WWOX: variants seen among roughly 807,000 people sequenced by gnomAD.
WWOX encodes the protein WW domain-containing oxidoreductase.
A neutral mutation model predicts 46.2 loss-of-function variants in WWOX; 69 were observed. The observed-to-expected ratio is 1.49, with a 90% CI of 1.23 to 1.82. The LOEUF is 1.82. Among genes scored for constraint, WWOX ranks in the 40% most tolerant of loss-of-function variants. WWOX has a pLI of 0.00. For missense variants in WWOX, 919 were observed against 542.6 expected (o/e 1.69, Z -6.89); for synonymous variants, 359 against 202.6 (o/e 1.77, Z -6.56).
intron 8 of WWOX, among the ~76,000 whole-genome samples, chr16:78,737,677 A>G (rs552822620): frequency 1.2e-4 from 19 of 152,272 alleles, no homozygotes; most frequent in African/African-American, 4.6e-4. Flanking sequence ...ACAGGGTTAT[A>G]TTAAAAGAGG....
intron 8 of WWOX, among the ~76,000 whole-genome samples, chr16:78,660,781 A>C (rs1181961790): frequency 2.0e-5 from 3 of 152,212 alleles, no homozygotes; most frequent in Non-Finnish European, 2.9e-5. Context: ...CTATGCATTT[A>C]GCATCAGTTG....
In WWOX at chr16:79,076,398, T is replaced by G. The variant is rs377717896; in HGVS notation, c.1057-135210T>G. 8.9e-4 allele frequency among the ~76,000 whole-genome samples: 135 copies of G among 152,354 alleles called. 2 individuals carry two copies. The South Asian group carries it at 0.027, about 30-fold the overall frequency. On this transcript the variant is annotated intron_variant, in intron 8 of 8. Transcript: ENST00000566780. ...AAAGTGTTCATTCTCACCCTTTTCC[T>G]TCATGAGAATTTTCTGAAGCTATTG...
At chr16:79,025,802 TGC>T (rs386792598) in intron 8 of WWOX, among the ~76,000 whole-genome samples, 74,540 of 118,914 alleles carry the variant, frequency 0.63, 25,797 homozygotes, top group East Asian at 0.86. Flanking sequence ...TTTGCTTGCT[TGC>T]TTTTTTTTTT....
chr16:78,187,657 G>T (rs988252175), intron 5 of WWOX, among the ~76,000 whole-genome samples: 1 of 152,114 alleles, frequency 6.6e-6, no homozygotes, highest in African/African-American at 2.4e-5. Flanking sequence ...GTCTTTGAAG[G>T]GTTACAGAAA....
chr16:78,470,170 C>A (rs1186023768), intron 8 of WWOX, among the ~76,000 whole-genome samples: 2 of 152,208 alleles, frequency 1.3e-5, no homozygotes, highest in African/African-American at 2.4e-5. Context: ...CAGCACTGCC[C>A]TGCTGTTGTC....
intron 8 of WWOX, among the ~76,000 whole-genome samples, chr16:78,713,600 G>C (rs962741555): frequency 6.6e-6 from 1 of 152,112 alleles, no homozygotes; most frequent in African/African-American, 2.4e-5. Context: ...AAATTTGGAT[G>C]CACAGAGACA....
At chr16:79,056,508 C>G (rs2048264896) in intron 8 of WWOX, among the ~76,000 whole-genome samples, 1 of 152,192 alleles carries the variant, frequency 6.6e-6, no homozygotes, top group East Asian at 1.9e-4. Flanking sequence ...AACTTGAGTA[C>G]AGGGTTTCTC....
chr16:79,181,206 T>C (rs1410025013), intron 8 of WWOX, among the ~76,000 whole-genome samples: 1 of 152,224 alleles, frequency 6.6e-6, no homozygotes, highest in African/African-American at 2.4e-5. Flanking sequence ...CGTAATATTT[T>C]GTCCATTATT....
intron 5 of WWOX, among the ~76,000 whole-genome samples, chr16:78,243,825 G>A (rs746955574): frequency 6.6e-6 from 1 of 152,210 alleles, no homozygotes; most frequent in Non-Finnish European, 1.5e-5. Flanking sequence ...GAGATCACAG[G>A]CGTGAGCCAC....
intron 8 of WWOX, among the ~76,000 whole-genome samples, chr16:78,644,991 A>G (rs935154149): frequency 4.6e-5 from 7 of 152,296 alleles, no homozygotes; most frequent in African/African-American, 1.4e-4. Flanking sequence ...CTACTCTTCA[A>G]TGAGTTTAAG....
intron 8 of WWOX, among the ~76,000 whole-genome samples, chr16:78,547,516 A>G (rs1029070901): frequency 6.6e-6 from 1 of 152,150 alleles, no homozygotes; most frequent in Non-Finnish European, 1.5e-5. Context: ...TCTACTTCTC[A>G]TTCATTAGGC....
At chr16:78,901,632 C>T (rs1274577711) in intron 8 of WWOX, among the ~76,000 whole-genome samples, 2 of 152,196 alleles carry the variant, frequency 1.3e-5, no homozygotes, top group Admixed American at 6.5e-5. Flanking sequence ...GGACCACAGG[C>T]ATGGGCCACC....
intron 5 of WWOX, among the ~76,000 whole-genome samples, chr16:78,382,035 A>T (rs777145312): frequency 3.9e-5 from 6 of 151,980 alleles, no homozygotes; most frequent in Non-Finnish European, 5.9e-5. Flanking sequence ...TATATTTTAG[A>T]TGCTTTTTTA....
intron 8 of WWOX, among the ~76,000 whole-genome samples, chr16:78,725,433 C>T (rs1228551253): frequency 2.1e-5 from 3 of 144,026 alleles, no homozygotes; most frequent in East Asian, 4.3e-4. Flanking sequence ...CTGCAAACTC[C>T]ACTTCCCGGA....
intron 8 of WWOX, among the ~76,000 whole-genome samples, chr16:79,202,422 A>G (rs990243077): frequency 3.9e-5 from 6 of 152,232 alleles, no homozygotes; most frequent in Non-Finnish European, 8.8e-5. Flanking sequence ...TTCTTTTGCT[A>G]GAAAGATCCA....
At chr16:78,612,491 T>A (rs963963106) in intron 8 of WWOX, among the ~76,000 whole-genome samples, 1 of 152,198 alleles carries the variant, frequency 6.6e-6, no homozygotes, top group Non-Finnish European at 1.5e-5. Flanking sequence ...TTTTGTTTTG[T>A]TTTGTAGACA....
rs78941017 is a variant in WWOX, at chr16:79,051,085, A to G, written c.1057-160523A>G. 4.4e-4 allele frequency among the ~76,000 whole-genome samples: 67 copies of G among 152,324 alleles called. No individual in the cohort carries two copies. The East Asian group carries it at 0.012, about 28-fold the overall frequency. ...TAGCCATTATATTTGCTGCCATCAC[A>G]ACAGTAAAATAAACAGGTGTGACTG... On this transcript the variant is annotated intron_variant, in intron 8 of 8. Transcript: ENST00000566780.
intron 8 of WWOX, among the ~76,000 whole-genome samples, chr16:78,946,208 C>G (rs1273712448): frequency 6.6e-6 from 1 of 151,926 alleles, no homozygotes; most frequent in Non-Finnish European, 1.5e-5. Flanking sequence ...TTTTTGTTTT[C>G]GAGACTGAGT....
intron 5 of WWOX, among the ~76,000 whole-genome samples, chr16:78,174,558 T>C (rs1021818231): frequency 6.6e-6 from 1 of 152,204 alleles, no homozygotes; most frequent in African/African-American, 2.4e-5. Context: ...ATTTATTACA[T>C]CCAAATATCC....
Sources: gnomAD v4.1 joint callset for allele counts (sites outside exome capture counted in the v4.1 genomes callset) on GRCh38, gnomAD v4.1.1 for gene constraint, MANE v1.5 for transcripts, NCBI Gene and HGNC (gene_info 2026-07-23, HGNC 2026-07-21) for gene names.